The following TMCC1 variants were observed in gnomAD, a reference collection of about 807,000 sequenced individuals.
TMCC1 encodes transmembrane and coiled-coil domains protein 1.
Under a neutral mutation model 52.4 loss-of-function variants are expected in TMCC1, and 15 were observed. That is an observed-to-expected ratio of 0.29 (90% CI 0.19 to 0.44). The LOEUF is 0.44. TMCC1 is among the 20% of genes least tolerant of loss of function. The pLI is 1.00. For missense variants in TMCC1, 503 were observed against 806.0 expected (o/e 0.62, Z 4.55); for synonymous variants, 279 against 301.9 (o/e 0.92, Z 0.79).
chr3:129,873,621 A>C (rs373127763), intron 2 of TMCC1, among the ~76,000 whole-genome samples: 1 of 152,148 alleles, frequency 6.6e-6, no homozygotes, highest in Admixed American at 6.5e-5. Context: ...TCAAGGCTGC[A>C]GTTAGCTACG....
chr3:129,832,401 G>A (rs2058962880), intron 3 of TMCC1, among the ~76,000 whole-genome samples: 1 of 151,906 alleles, frequency 6.6e-6, no homozygotes. Context: ...TGAGGAAGGG[G>A]GACAAAAAAC....
intron 2 of TMCC1, among the ~76,000 whole-genome samples, chr3:129,850,192 A>T (rs2059855276): frequency 6.6e-6 from 1 of 152,194 alleles, no homozygotes; most frequent in African/African-American, 2.4e-5. Flanking sequence ...CTGTCCTTTC[A>T]AACAATTCAA....
At chr3:129,654,455 A>G (rs2086546423) in intron 6 of TMCC1, among the ~76,000 whole-genome samples, 2 of 152,190 alleles carry the variant, frequency 1.3e-5, no homozygotes, top group Admixed American at 6.5e-5. Flanking sequence ...ACTATTCCCT[A>G]AATACCTCCA....
chr3:129,725,057 TAA>T (rs1177185971), intron 4 of TMCC1, among the ~76,000 whole-genome samples: 3 of 152,218 alleles, frequency 2.0e-5, no homozygotes, highest in Non-Finnish European at 4.4e-5. Flanking sequence ...AAATTTCTGA[TAA>T]AGTTTTTGAG....
intron 4 of TMCC1, among the ~76,000 whole-genome samples, chr3:129,712,432 T>C (rs1452954896): frequency 6.6e-6 from 1 of 152,180 alleles, no homozygotes; most frequent in Non-Finnish European, 1.5e-5. Flanking sequence ...GCAAGTCTCT[T>C]TCTGAAAGAA....
chr3:129,677,076 C>A lies in TMCC1; in HGVS notation c.577-5812G>T, dbSNP rs553664546. Among the ~76,000 whole-genome samples, 10 of 150,442 alleles carry A rather than the reference C, an allele frequency of 6.6e-5. No individual in the cohort carries two copies. The South Asian group carries it at 2.1e-3, about 32-fold the overall frequency. ...CTCAGGAGTTCAAGACTAGCCTGGG[C>A]AACATGCCGAAACCCTGTCTCTAAA... On this transcript the variant is annotated intron_variant, in intron 4 of 6. Transcript: ENST00000393238.
intron 4 of TMCC1, among the ~76,000 whole-genome samples, chr3:129,735,331 G>C (rs920464775): frequency 2.0e-5 from 3 of 151,878 alleles, no homozygotes; most frequent in Non-Finnish European, 4.4e-5. Flanking sequence ...AACACACTTC[G>C]CCAAAAAAGT....
At chr3:129,843,803 A>G (rs2059532434) in intron 2 of TMCC1, among the ~76,000 whole-genome samples, 2 of 151,820 alleles carry the variant, frequency 1.3e-5, no homozygotes, top group African/African-American at 4.8e-5. Context: ...CATTTAAATA[A>G]GAAATAATAA....
chr3:129,696,378 G>A (rs2047418823), intron 4 of TMCC1, among the ~76,000 whole-genome samples: 1 of 152,172 alleles, frequency 6.6e-6, no homozygotes. Context: ...CCAAACCAAT[G>A]TATTTCTCAA....
At position 129,651,211 on chromosome 3, in the gene TMCC1, T is replaced by C. The variant is rs888205290; in HGVS notation, c.*270A>G. 2 of 428,184 alleles carry C rather than the reference T, an allele frequency of 4.7e-6. No homozygotes were observed. Among genetic ancestry groups the C allele is most frequent in the African/African-American group, 2.0e-5 (1 of 50,580 alleles). The allele number at this position is 428,184 out of a possible 1,614,324, so 26.5% of individuals were successfully genotyped here. A position where few individuals can be genotyped will look rare whatever the true frequency, so the allele number is the denominator to read the frequency against. On this transcript the variant is annotated 3_prime_UTR_variant, in exon 7 of 7. Coordinates refer to ENST00000393238, the MANE Select transcript of TMCC1 (RefSeq NM_001017395.5). This position sits in a 1 kb window ranked among gnomAD's most constrained non-coding sequence, Gnocchi z 5.1. ...CGGTGTGCTCCAGATTGTTGGTTCA[T>C]ATTAAAGGACTGTTTTAAGATTTGC...
intron 4 of TMCC1, among the ~76,000 whole-genome samples, chr3:129,696,444 C>T: frequency 6.6e-6 from 1 of 152,208 alleles, no homozygotes; most frequent in Non-Finnish European, 1.5e-5. Flanking sequence ...AAGCTACAAC[C>T]CAACTATCTT....
chr3:129,676,586 A>T (rs1432073949), intron 4 of TMCC1, among the ~76,000 whole-genome samples: 1 of 152,234 alleles, frequency 6.6e-6, no homozygotes, highest in Non-Finnish European at 1.5e-5. Context: ...CATTTAACTT[A>T]GCTTTGTTAC....
At chr3:129,872,789 T>C (rs2060992099) in intron 2 of TMCC1, among the ~76,000 whole-genome samples, 1 of 152,184 alleles carries the variant, frequency 6.6e-6, no homozygotes, top group African/African-American at 2.4e-5. Flanking sequence ...TGCTTCTGTT[T>C]ATATAAGACA....
intron 4 of TMCC1, among the ~76,000 whole-genome samples, chr3:129,775,964 A>G (rs2055006306): frequency 6.6e-6 from 1 of 152,128 alleles, no homozygotes; most frequent in Non-Finnish European, 1.5e-5. Context: ...GATGACACAT[A>G]CCCTTCATCT....
intron 4 of TMCC1, among the ~76,000 whole-genome samples, chr3:129,766,235 A>G (rs2054116001): frequency 6.6e-6 from 1 of 152,196 alleles, no homozygotes; most frequent in African/African-American, 2.4e-5. Flanking sequence ...AGAATTGTTT[A>G]GTAGGCCTGA....
chr3:129,879,320 C>A (rs1423619483), intron 2 of TMCC1, among the ~76,000 whole-genome samples: 1 of 152,068 alleles, frequency 6.6e-6, no homozygotes, highest in Non-Finnish European at 1.5e-5. Flanking sequence ...CATATGCCTG[C>A]AGTCCCAGCT....
intron 4 of TMCC1, among the ~76,000 whole-genome samples, chr3:129,820,602 T>C (rs2058368671): frequency 6.6e-6 from 1 of 151,960 alleles, no homozygotes; most frequent in Admixed American, 6.6e-5. Flanking sequence ...AGACAACCGT[T>C]TAGGGAGAAT....
chr3:129,695,568 G>A (rs2047354510), intron 4 of TMCC1, among the ~76,000 whole-genome samples: 1 of 152,062 alleles, frequency 6.6e-6, no homozygotes, highest in Non-Finnish European at 1.5e-5. Flanking sequence ...GCAAAAGGGG[G>A]AAAGCCCCTT....
intron 2 of TMCC1, among the ~76,000 whole-genome samples, chr3:129,876,727 G>A (rs1483839372): frequency 1.3e-5 from 2 of 152,314 alleles, no homozygotes; most frequent in East Asian, 1.9e-4. Flanking sequence ...GGCTGAGGCG[G>A]GAGGATCACA....
Sources: gnomAD v4.1 joint callset for allele counts (sites outside exome capture counted in the v4.1 genomes callset) on GRCh38, gnomAD v4.1.1 for gene constraint, Gnocchi (gnomAD v3.1) non-coding constraint, MANE v1.5 for transcripts, NCBI Gene and HGNC (gene_info 2026-07-23, HGNC 2026-07-21) for gene names.